Variants in LAMA2 observed in about 807,000 individuals in gnomAD.
LAMA2 encodes laminin subunit alpha-2.
Under a neutral mutation model 364.8 loss-of-function variants are expected in LAMA2, and 269 were observed. That is an observed-to-expected ratio of 0.74 (90% CI 0.67 to 0.82). The LOEUF (loss-of-function observed/expected upper bound fraction) is 0.82, where lower values mean the gene tolerates loss of function less well. Among genes scored for constraint, LAMA2 ranks in the 40% least tolerant of loss-of-function variants. LAMA2 has a pLI of 0.00. For missense variants in LAMA2, 3,807 were observed against 3,873.2 expected, an observed-to-expected ratio of 0.98 and a Z score of 0.45; for synonymous variants, 1,379 against 1,370.6, an observed-to-expected ratio of 1.01 and a Z score of -0.14.
chr6:129,110,840 T>A (rs937319590), intron 4 of LAMA2, among the ~76,000 whole-genome samples: 1 of 152,000 alleles, frequency 6.6e-6, no homozygotes, highest in Non-Finnish European at 1.5e-5. Flanking sequence ...TCACAAGAGT[T>A]TGTGTGACAC....
At chr6:129,389,050 A>G (rs1422625664) in intron 35 of LAMA2, among the ~76,000 whole-genome samples, 1 of 152,216 alleles carries the variant, frequency 6.6e-6, no homozygotes, top group East Asian at 1.9e-4. Context: ...AAATTGAGAC[A>G]CAGCCTAGGT....
At chr6:129,431,549 C>T (rs1462045064) in intron 41 of LAMA2, among the ~76,000 whole-genome samples, 3 of 152,028 alleles carry the variant, frequency 2.0e-5, no homozygotes, top group Non-Finnish European at 4.4e-5. Flanking sequence ...TTACAGTTAA[C>T]CCTTGACCAA....
At chr6:129,442,359 T>A (rs888336368) in intron 43 of LAMA2, 8 of 391,782 alleles carry the variant, frequency 2.0e-5, no homozygotes, top group African/African-American at 1.1e-4. Flanking sequence ...TTTTTTAAAA[T>A]TTTTTAATGT....
intron 1 of LAMA2, among the ~76,000 whole-genome samples, chr6:128,909,716 A>T (rs1217626068): frequency 2.0e-5 from 3 of 148,150 alleles, no homozygotes; most frequent in African/African-American, 7.5e-5. Flanking sequence ...TAGTTGATGC[A>T]GTTTCTTCCT....
Position 128,905,133 on chromosome 6 carries a change from T to C in LAMA2, c.112+21776T>C, listed in dbSNP as rs1045295047. The stretch of plus-strand genomic sequence containing the variant: ...ATATAATGCATTATATTCTGGGTCA[T>C]AGTTTCCTATATTATAACTGCTAAA... On this transcript the variant is annotated intron_variant, in intron 1 of 64. Coordinates refer to ENST00000421865, the MANE Select transcript of LAMA2 (RefSeq NM_000426.4). Among the ~76,000 whole-genome samples, 62 of 152,220 alleles carry C rather than the reference T, an allele frequency of 4.1e-4. 1 individual carries two copies.
At chr6:128,992,671 T>A (rs1783679630) in intron 1 of LAMA2, among the ~76,000 whole-genome samples, 1 of 152,182 alleles carries the variant, frequency 6.6e-6, no homozygotes, top group Non-Finnish European at 1.5e-5. Context: ...TTCTATAATA[T>A]CCAATTACCT....
At chr6:129,081,423 T>A (rs1019414387) in intron 3 of LAMA2, among the ~76,000 whole-genome samples, 9 of 152,128 alleles carry the variant, frequency 5.9e-5, no homozygotes, top group Non-Finnish European at 1.3e-4. Context: ...AAAAATGAAA[T>A]GTCCGTATAT....
rs1776396411 is a variant in LAMA2, at chr6:129,343,771, A to G, written c.4436+1304A>G. Among the ~76,000 whole-genome samples the G allele has an allele frequency of 2.0e-5, 3 of 152,162 alleles. No individual in the cohort carries two copies. In the South Asian group the frequency reaches 6.2e-4, roughly 31 times the overall value. On this transcript the variant is annotated intron_variant, in intron 30 of 64. Transcript: ENST00000421865. The stretch of plus-strand genomic sequence containing the variant: ...TGTTAAGGGGTATCAACTTAAATGT[A>G]AAGAAAATTCAAAGGCACAAAACAC...
At chr6:129,490,892 A>AT (rs1784826890) in intron 56 of LAMA2, 1 of 152,100 alleles carries the variant, frequency 6.6e-6, no homozygotes. Context: ...AGCGAAATCC[A>AT]TTTTTTGTCC....
chr6:128,981,776 G>A (rs912149094), intron 1 of LAMA2, among the ~76,000 whole-genome samples: 4 of 151,830 alleles, frequency 2.6e-5, no homozygotes, highest in Admixed American at 1.3e-4. Context: ...TAATAATACT[G>A]CCTTCCAGTT....
At chr6:129,338,737 TC>T (rs1188737676) in intron 29 of LAMA2, among the ~76,000 whole-genome samples, 1 of 152,188 alleles carries the variant, frequency 6.6e-6, no homozygotes, top group East Asian at 1.9e-4. Context: ...TTTTAGGTCA[TC>T]GGGGAATGTT....
rs1332727382 is a variant in LAMA2 at position 128,987,145 on chromosome 6, T to TG, written c.113-62773_113-62772insG. The stretch of plus-strand genomic sequence containing the variant: ...TAGTTTGTTTTTTTTTTTTTGTTTT[T>TG]TTTTTTTTTTTGAGGCAGAGTCTCT... On this transcript the variant is annotated intron_variant, in intron 1 of 64. Coordinates refer to ENST00000421865, the MANE Select transcript of LAMA2 (RefSeq NM_000426.4). Among the ~76,000 whole-genome samples the TG allele has an allele frequency of 7.9e-5, 11 of 139,912 alleles. No homozygotes were observed. In the East Asian group the frequency reaches 1.6e-3, roughly 21 times the overall value. 91.8% of individuals were successfully genotyped at this position (139,912 alleles called of 152,430 possible).
intron 58 of LAMA2, among the ~76,000 whole-genome samples, chr6:129,498,588 A>T (rs1339042170): frequency 6.6e-6 from 1 of 152,204 alleles, no homozygotes; most frequent in Non-Finnish European, 1.5e-5. Context: ...AGTGCTATAA[A>T]AAGTATCTTC....
At position 129,052,305 on chromosome 6, in the gene LAMA2, C is replaced by CTTT. The variant is rs71272306; in HGVS notation, c.283+2231_283+2233dup. 6.7e-3 allele frequency among the ~76,000 whole-genome samples: 873 copies of CTTT among 131,234 alleles called. 15 individuals carry two copies. Among genetic ancestry groups the CTTT allele is most frequent in the African/African-American group, 0.023 (814 of 35,832 alleles). 86.1% of individuals were successfully genotyped at this position (131,234 alleles called of 152,430 possible). A position where few individuals can be genotyped will look rare whatever the true frequency, so the allele number is the denominator to read the frequency against. On this transcript the variant is annotated intron_variant, in intron 2 of 64. Coordinates refer to ENST00000421865, the MANE Select transcript of LAMA2 (RefSeq NM_000426.4). ...CGCACGTTGCCACGCCCGGCTAATT[C>CTTT]TTTTTTTTTTTTTTTTGTATTTTTA... is the stretch of plus-strand genomic sequence containing the variant.
intron 12 of LAMA2, among the ~76,000 whole-genome samples, chr6:129,197,873 C>T (rs1050233985): frequency 3.3e-5 from 5 of 152,062 alleles, no homozygotes; most frequent in African/African-American, 4.8e-5. Flanking sequence ...CTTACATATC[C>T]GTCATAACAT....
rs549114137 is a variant in LAMA2, at chr6:129,402,307, T to G, written c.5563-17T>G. ...TTGAATTCACTTGCTTAAAATGCCC[T>G]CTTCTCTACATATCAGTATGTTGAA... On this transcript the variant is annotated splice_polypyrimidine_tract_variant and intron_variant, in intron 38 of 64. Transcript: ENST00000421865. The G allele has an allele frequency of 1.2e-6, 2 of 1,606,384 alleles. No individual in the cohort carries two copies. The highest frequency in any genetic ancestry group is 1.7e-6 in the Non-Finnish European group (2 of 1,174,418).
chr6:129,205,493 T>TATATATATATATATATATAC (rs1343472728), intron 12 of LAMA2, among the ~76,000 whole-genome samples: 74 of 104,246 alleles, frequency 7.1e-4, no homozygotes, highest in Middle Eastern at 4.6e-3. Context: ...TATATATATA[T>TATATATATATATATATATAC]ACACACACAC....
At position 129,050,027 on chromosome 6, in the gene LAMA2, T is replaced by A; in HGVS notation, c.222T>A (p.Pro74=). 6.2e-7 allele frequency: 1 copy of A among 1,614,156 alleles called. No homozygotes were observed. Among genetic ancestry groups the A allele is most frequent in the Non-Finnish European group, 8.5e-7 (1 of 1,180,020 alleles). The change falls in exon 2 of 65, where the codon CCT becomes CCA. Residue 74 remains proline (P), a synonymous_variant. Transcript: ENST00000421865. The part of the protein sequence containing the change: ...EMYCKLVEHV[P]GQPVRNPQCR... ...ACTGCAAATTGGTAGAACATGTCCC[T>A]GGGCAGCCTGTGAGGAACCCGCAGT...
chr6:129,421,492 G>A (rs1781071019), intron 40 of LAMA2, among the ~76,000 whole-genome samples: 1 of 152,010 alleles, frequency 6.6e-6, no homozygotes, highest in African/African-American at 2.4e-5. Flanking sequence ...GAACTCAGAT[G>A]TGATGCTTAT....
Sources: allele counts gnomAD v4.1 joint callset (sites outside exome capture counted in the v4.1 genomes callset), GRCh38; gene constraint gnomAD v4.1.1; transcripts MANE v1.5; gene names NCBI Gene and HGNC (gene_info 2026-07-23, HGNC 2026-07-21).